The following RBFOX1 variants were observed in gnomAD, a reference collection of about 807,000 sequenced individuals.
RBFOX1 encodes the protein RNA binding protein fox-1 homolog 1.
Under a neutral mutation model 57.7 loss-of-function variants are expected in RBFOX1, and 8 were observed. That is an observed-to-expected ratio of 0.14 (90% CI 0.08 to 0.25). RBFOX1 has a LOEUF of 0.25. Among genes scored for constraint, RBFOX1 ranks in the 10% least tolerant of loss-of-function variants. RBFOX1 has a pLI of 1.00. For missense variants in RBFOX1, 611 were observed against 548.5 expected (o/e 1.11, Z -1.14); for synonymous variants, 326 against 222.4 (o/e 1.47, Z -4.15).
chr16:5,410,990 A>G (rs1329628396), intron 1 of RBFOX1, among the ~76,000 whole-genome samples: 3 of 152,244 alleles, frequency 2.0e-5, no homozygotes, highest in Non-Finnish European at 2.9e-5. Flanking sequence ...TAGGCGGGCC[A>G]ACACAACAAA....
chr16:5,612,501 A>G (rs147933580), intron 3 of RBFOX1, among the ~76,000 whole-genome samples: 3 of 152,354 alleles, frequency 2.0e-5, no homozygotes, highest in East Asian at 3.9e-4. Context: ...TATATCTACA[A>G]ATGAAGAAAA....
intron 4 of RBFOX1, among the ~76,000 whole-genome samples, chr16:7,127,758 A>T (rs1210787164): frequency 6.6e-6 from 1 of 152,216 alleles, no homozygotes; most frequent in Admixed American, 6.5e-5. Context: ...ATTCTTCCTC[A>T]TAGCCCCGTG....
chr16:5,421,138 C>A (rs1429777544), intron 1 of RBFOX1, among the ~76,000 whole-genome samples: 10 of 151,712 alleles, frequency 6.6e-5, no homozygotes, highest in African/African-American at 2.4e-4. Flanking sequence ...TCGAGAGTAG[C>A]TGGGACAACA....
At chr16:6,995,708 C>A (rs755696925) in intron 3 of RBFOX1, among the ~76,000 whole-genome samples, 1 of 151,556 alleles carries the variant, frequency 6.6e-6, no homozygotes, top group Non-Finnish European at 1.5e-5. Context: ...TTGCAGTGAG[C>A]CAAGATCATG....
chr16:7,465,276 C>T (rs538334527), intron 4 of RBFOX1, among the ~76,000 whole-genome samples: 1 of 152,338 alleles, frequency 6.6e-6, no homozygotes, highest in South Asian at 2.1e-4. Context: ...AGTACACACT[C>T]ATTACAACTT....
At position 6,019,576 on chromosome 16, in the gene RBFOX1, G is replaced by A. The variant is rs1006516011; in HGVS notation, c.-543G>A. 1.1e-5 allele frequency: 13 copies of A among 1,169,200 alleles called. No homozygotes were observed. The African/African-American group carries it at 1.6e-4, about 14-fold the overall frequency. 72.4% of individuals were successfully genotyped at this position (1,169,200 alleles called of 1,614,324 possible). A position where few individuals can be genotyped will look rare whatever the true frequency, so the allele number is the denominator to read the frequency against. On this transcript the variant is annotated 5_prime_UTR_variant, in exon 1 of 16. Coordinates refer to ENST00000550418, the MANE Select transcript of RBFOX1 (RefSeq NM_018723.4). This position sits in a 1 kb window ranked among gnomAD's most constrained non-coding sequence, Gnocchi z 4.2. ...GCGGCGGCACTGGCTGGACCCACGC[G>A]CGCGCCTCCGGGGCTGAAGAAGGAA...
intron 3 of RBFOX1, among the ~76,000 whole-genome samples, chr16:6,710,726 GC>G (rs1459277240): frequency 6.6e-6 from 1 of 152,222 alleles, no homozygotes. Context: ...CCCTCGGGTG[GC>G]CCATTAGATG....
At chr16:7,550,217 G>T (rs1326118274) in intron 5 of RBFOX1, among the ~76,000 whole-genome samples, 3 of 151,408 alleles carry the variant, frequency 2.0e-5, no homozygotes, top group African/African-American at 7.3e-5. Flanking sequence ...ACTATGCCCA[G>T]CCTACCCTTC....
At chr16:5,239,926 C>G in exon 1 of RBFOX1, 2 of 1,518,470 alleles carry the variant, frequency 1.3e-6, no homozygotes, top group Non-Finnish European at 1.8e-6. Flanking sequence ...CACTGGCAAG[C>G]CCCGAGGCAG....
In RBFOX1 at chr16:5,588,671, G is replaced by A. The variant is rs769897627; in HGVS notation, c.259-10231G>A. On this transcript the variant is annotated intron_variant, in intron 2 of 2. Coordinates refer to the RBFOX1 transcript ENST00000585867. The stretch of plus-strand genomic sequence containing the variant: ...GCACTTTGCAGACTTAGAGGGCTGG[G>A]AGGGCATTGAATTGGGAGAGGCATG... Among the ~76,000 whole-genome samples the A allele has an allele frequency of 5.7e-4, 87 of 152,156 alleles. 1 individual carries two copies. Among genetic ancestry groups the A allele is most frequent in the Admixed American group, 1.2e-3 (19 of 15,278 alleles).
rs183435654 is a variant in RBFOX1, at chr16:7,387,259, A to G, written c.28-130888A>G. ...CCATGCATTATCTTGCTAAATTAGT[A>G]TAGGATTAGTAATAAATTCTATGAG... On this transcript the variant is annotated intron_variant, in intron 4 of 15. Coordinates refer to ENST00000550418, the MANE Select transcript of RBFOX1 (RefSeq NM_018723.4). 2.0e-5 allele frequency among the ~76,000 whole-genome samples: 3 copies of G among 152,286 alleles called. No homozygotes were observed. The East Asian group carries it at 5.8e-4, about 29-fold the overall frequency.
chr16:6,642,942 C>A (rs1274712570), intron 2 of RBFOX1, among the ~76,000 whole-genome samples: 1 of 152,130 alleles, frequency 6.6e-6, no homozygotes, highest in African/African-American at 2.4e-5. Flanking sequence ...GCGTTGTTTG[C>A]TGTTTGTATG....
At chr16:6,337,380 C>A (rs1022215486) in intron 2 of RBFOX1, among the ~76,000 whole-genome samples, 1 of 152,202 alleles carries the variant, frequency 6.6e-6, no homozygotes, top group African/African-American at 2.4e-5. Flanking sequence ...CGCCATCAAC[C>A]TGAAAAGCCA....
At chr16:5,255,438 A>G (rs2062568689) in intron 1 of RBFOX1, among the ~76,000 whole-genome samples, 1 of 150,860 alleles carries the variant, frequency 6.6e-6, no homozygotes, top group Non-Finnish European at 1.5e-5. Flanking sequence ...CCACCCATCT[A>G]TCCATCCAAT....
chr16:6,819,705 CAAAA>C (rs1181614275), intron 3 of RBFOX1, among the ~76,000 whole-genome samples: 2 of 20,626 alleles, frequency 9.7e-5, no homozygotes, highest in East Asian at 1.6e-3. Flanking sequence ...AACTCTGACT[CAAAA>C]AAAAAAAAAA....
chr16:5,808,665 T>C (rs1387852075), intron 3 of RBFOX1, among the ~76,000 whole-genome samples: 1 of 152,196 alleles, frequency 6.6e-6, no homozygotes, highest in Non-Finnish European at 1.5e-5. Context: ...CTAGGTATTT[T>C]ATTCTCTTTG....
intron 3 of RBFOX1, among the ~76,000 whole-genome samples, chr16:5,652,981 C>T (rs1451786915): frequency 6.6e-6 from 1 of 152,236 alleles, no homozygotes; most frequent in Non-Finnish European, 1.5e-5. Context: ...ACTCAACCTG[C>T]TGAGCTGCTG....
chr16:6,864,973 G>C (rs1050288154), intron 3 of RBFOX1, among the ~76,000 whole-genome samples: 5 of 135,470 alleles, frequency 3.7e-5, no homozygotes, highest in African/African-American at 1.5e-4. Flanking sequence ...CAGTGCCAAT[G>C]TTGGAGTGGG....
intron 1 of RBFOX1, among the ~76,000 whole-genome samples, chr16:6,068,839 C>T (rs997939652): frequency 5.3e-5 from 8 of 152,068 alleles, no homozygotes; most frequent in African/African-American, 7.2e-5. Context: ...TCCCTGTACC[C>T]GGTTACAGGA....
Sources: gnomAD v4.1 joint callset for allele counts (sites outside exome capture counted in the v4.1 genomes callset) on GRCh38, gnomAD v4.1.1 for gene constraint, Gnocchi (gnomAD v3.1) non-coding constraint, MANE v1.5 for transcripts, NCBI Gene and HGNC (gene_info 2026-07-23, HGNC 2026-07-21) for gene names.